RBFOX1: variants seen among roughly 807,000 people sequenced by gnomAD.
The protein encoded by RBFOX1 is RNA binding fox-1 homolog 1, also known as RNA binding protein fox-1 homolog 1.
Under a neutral mutation model 57.7 loss-of-function variants are expected in RBFOX1, and 8 were observed. That is an observed-to-expected ratio of 0.14 (90% CI 0.08 to 0.25). The LOEUF is 0.25. Ranked by LOEUF, RBFOX1 falls within the 10% of genes least tolerant of loss-of-function variation. RBFOX1 has a pLI of 1.00. For synonymous variants in RBFOX1, 326 were observed against 222.4 expected, an observed-to-expected ratio of 1.47 and a Z score of -4.15; for missense variants, 611 against 548.5, an observed-to-expected ratio of 1.11 and a Z score of -1.14.
At chr16:5,490,565 T>G (rs1381025650) in intron 2 of RBFOX1, among the ~76,000 whole-genome samples, 2 of 152,160 alleles carry the variant, frequency 1.3e-5, no homozygotes, top group Non-Finnish European at 2.9e-5. Context: ...TCCCCCGCCC[T>G]CCATGGTGCT....
At chr16:6,728,479 A>T (rs1477287171) in intron 3 of RBFOX1, among the ~76,000 whole-genome samples, 3 of 152,176 alleles carry the variant, frequency 2.0e-5, no homozygotes, top group African/African-American at 7.2e-5. Context: ...CCCTTTTATT[A>T]CATAATATAA....
rs188504563 is a variant in RBFOX1, at chr16:7,301,725, C to T, written c.28-216422C>T. On this transcript the variant is annotated intron_variant, in intron 4 of 15. Transcript: ENST00000550418. ...CTCCTCTTCTTGGGTTATTTACAGG[C>T]TTTTCTAATGCCAGCAAGAGAAAAA... Among the ~76,000 whole-genome samples the T allele has an allele frequency of 4.7e-3, 709 of 152,146 alleles. 2 individuals are homozygous for T. The highest frequency in any genetic ancestry group is 0.016 in the African/African-American group (651 of 41,514).
At chr16:6,188,591 C>T (rs1329120551) in intron 1 of RBFOX1, among the ~76,000 whole-genome samples, 1 of 152,128 alleles carries the variant, frequency 6.6e-6, no homozygotes, top group Non-Finnish European at 1.5e-5. Context: ...TTTCTGCTTA[C>T]ATTTTCTGCT....
At chr16:5,684,880 A>G (rs1462812191) in intron 3 of RBFOX1, among the ~76,000 whole-genome samples, 1 of 152,118 alleles carries the variant, frequency 6.6e-6, no homozygotes, top group Non-Finnish European at 1.5e-5. Flanking sequence ...ATTTTTGTAG[A>G]ATGCTGCACT....
At chr16:5,969,736 T>C (rs1209183313) in intron 4 of RBFOX1, among the ~76,000 whole-genome samples, 6 of 152,134 alleles carry the variant, frequency 3.9e-5, no homozygotes, top group African/African-American at 1.4e-4. Flanking sequence ...TTTTAAAAAA[T>C]TGTCCCTTGC....
chr16:6,322,360 C>T (rs1373386911), intron 2 of RBFOX1, among the ~76,000 whole-genome samples: 2 of 152,174 alleles, frequency 1.3e-5, no homozygotes, highest in Non-Finnish European at 2.9e-5. Flanking sequence ...CATTTCATTC[C>T]AACTGGGCAA....
intron 11 of RBFOX1, among the ~76,000 whole-genome samples, chr16:7,644,752 G>A (rs3785225): frequency 0.34 from 52,100 of 151,792 alleles, 9,560 homozygotes; most frequent in African/African-American, 0.48. Flanking sequence ...AATCAACTCA[G>A]GTGATAAGAA....
chr16:7,136,015 T>C (rs2071838920), intron 4 of RBFOX1, among the ~76,000 whole-genome samples: 1 of 152,244 alleles, frequency 6.6e-6, no homozygotes, highest in Non-Finnish European at 1.5e-5. Context: ...ACAGTGCTGC[T>C]CATTGAAGCC....
intron 4 of RBFOX1, among the ~76,000 whole-genome samples, chr16:7,303,004 T>A (rs960295375): frequency 6.6e-6 from 1 of 152,134 alleles, no homozygotes; most frequent in African/African-American, 2.4e-5. Flanking sequence ...GACGGAGTAA[T>A]CTCTTATCAG....
intron 1 of RBFOX1, among the ~76,000 whole-genome samples, chr16:6,295,057 C>G (rs562684942): frequency 6.6e-6 from 1 of 151,392 alleles, no homozygotes; most frequent in East Asian, 1.9e-4. Context: ...CCCACTCTCT[C>G]TCCTCCAAGT....
At chr16:7,480,502 T>C (rs182035052) in intron 4 of RBFOX1, among the ~76,000 whole-genome samples, 7 of 152,326 alleles carry the variant, frequency 4.6e-5, no homozygotes, top group Admixed American at 3.3e-4. Flanking sequence ...TTGTTCTAAT[T>C]GTCACCGGCT....
At chr16:7,333,264 C>A (rs893123795) in intron 4 of RBFOX1, among the ~76,000 whole-genome samples, 1 of 152,214 alleles carries the variant, frequency 6.6e-6, no homozygotes, top group Admixed American at 6.5e-5. Context: ...CTATCGACAT[C>A]TCTCATGGCT....
At position 6,001,088 on chromosome 16, in the gene RBFOX1, A is replaced by G. The variant is rs532498892; in HGVS notation, c.351+133753A>G. ...GGACAGATGGGTAGATATTTAAATTAAAATTAATTAAAATATCTTAGCCTC... is the reference window on the plus strand; with the variant it reads ...GGACAGATGGGTAGATATTTAAATTGAAATTAATTAAAATATCTTAGCCTC... On this transcript the variant is annotated intron_variant, in intron 4 of 19. Transcript: ENST00000641259. Among the ~76,000 whole-genome samples the G allele has an allele frequency of 2.2e-4, 34 of 152,248 alleles. 1 individual carries two copies. In the South Asian group the frequency reaches 6.4e-3, roughly 29 times the overall value.
In RBFOX1 at chr16:5,643,781, T is replaced by G. The variant is rs116384276; in HGVS notation, c.318+44820T>G. On this transcript the variant is annotated intron_variant, in intron 3 of 19. Coordinates refer to the RBFOX1 transcript ENST00000641259. ...TTACTGATTCTTGTGGAAGAAACTT[T>G]CCATCCACTACTGTCCCCTAATCAC... 1.0e-3 allele frequency among the ~76,000 whole-genome samples: 155 copies of G among 152,346 alleles called. 2 individuals are homozygous for G. The highest frequency in any genetic ancestry group is 3.4e-3 in the Middle Eastern group (1 of 294).
intron 4 of RBFOX1, among the ~76,000 whole-genome samples, chr16:7,323,542 G>T (rs916392837): frequency 6.6e-6 from 1 of 152,364 alleles, no homozygotes; most frequent in Non-Finnish European, 1.5e-5. Context: ...AGGGAGTTTT[G>T]TAGTTTTGTA....
At chr16:7,577,956 G>C (rs1201615203) in intron 5 of RBFOX1, among the ~76,000 whole-genome samples, 1 of 152,114 alleles carries the variant, frequency 6.6e-6, no homozygotes. Flanking sequence ...TTTCTCTATT[G>C]GTGTCATGCA....
At chr16:7,314,322 G>GT (rs1457898225) in intron 4 of RBFOX1, among the ~76,000 whole-genome samples, 1 of 152,144 alleles carries the variant, frequency 6.6e-6, no homozygotes, top group African/African-American at 2.4e-5. Context: ...GGGCCTGGTC[G>GT]TGTTCATAAC....
intron 3 of RBFOX1, among the ~76,000 whole-genome samples, chr16:6,866,716 G>C (rs1052948639): frequency 1.3e-5 from 2 of 151,390 alleles, no homozygotes; most frequent in African/African-American, 2.4e-5. Context: ...TGATTTTTTT[G>C]TATTTTTAGT....
intron 2 of RBFOX1, among the ~76,000 whole-genome samples, chr16:6,632,414 C>T (rs2098396446): frequency 6.6e-6 from 1 of 151,906 alleles, no homozygotes; most frequent in Admixed American, 6.6e-5. Flanking sequence ...TGTGTGTTGT[C>T]ATCAGTGACT....
Sources: allele counts gnomAD v4.1 joint callset (sites outside exome capture counted in the v4.1 genomes callset), GRCh38; gene constraint gnomAD v4.1.1; transcripts MANE v1.5; gene names NCBI Gene and HGNC (gene_info 2026-07-23, HGNC 2026-07-21).